TBC1D14: variants seen among roughly 807,000 people sequenced by gnomAD.
TBC1D14 encodes TBC1 domain family member 14.
In TBC1D14, 26 loss-of-function variants were observed where a neutral mutation model predicts 79.0. That is an observed-to-expected ratio of 0.33 (90% CI 0.24 to 0.46). The LOEUF (loss-of-function observed/expected upper bound fraction) is 0.46. Ranked by LOEUF, TBC1D14 falls within the 20% of genes least tolerant of loss-of-function variation. The pLI, the probability that TBC1D14 is intolerant of heterozygous loss-of-function variation, is 1.00. For synonymous variants in TBC1D14, 394 were observed against 349.9 expected (o/e 1.13, Z -1.40); for missense variants, 769 against 887.6 (o/e 0.87, Z 1.70).
In TBC1D14 at chr4:6,996,385, G is replaced by A. The variant is rs1298898461; in HGVS notation, c.1023G>A (p.Met341Ile). Residue 341 changes from methionine to isoleucine, a missense_variant, in exon 5 of 14, where the codon ATG becomes ATA. Transcript: ENST00000409757. ...AGCACAGACAGCAGTATGAAGAAAT[G>A]GTGGTTCAGGCCAAAAAGCGAGGTA... ...AQKHRQQYEE[M>I]VVQAKKRELK... The A allele has an allele frequency of 6.2e-7, 1 of 1,613,776 alleles. No homozygotes were observed. The highest frequency in any genetic ancestry group is 2.2e-5 in the East Asian group (1 of 44,866).
At chr4:6,987,411 C>T (rs1717972933) in intron 3 of TBC1D14, 6 of 1,316,298 alleles carry the variant, frequency 4.6e-6, no homozygotes, top group Non-Finnish European at 5.9e-6. Flanking sequence ...TCCCGTGGGC[C>T]TGTCCTGTCC....
chr4:7,025,767 C>T (rs1208936109), intron 13 of TBC1D14, among the ~76,000 whole-genome samples: 2 of 152,214 alleles, frequency 1.3e-5, no homozygotes, highest in Non-Finnish European at 2.9e-5. Context: ...TCTTCCCATG[C>T]GCTGCTGTGC....
At chr4:6,921,522 A>G (rs1204514583) in intron 1 of TBC1D14, among the ~76,000 whole-genome samples, 2 of 151,224 alleles carry the variant, frequency 1.3e-5, no homozygotes, top group Non-Finnish European at 2.9e-5. Flanking sequence ...AGAGAACTTT[A>G]TTTTTTATTT....
At chr4:6,912,390 A>G (rs965833901) in intron 1 of TBC1D14, among the ~76,000 whole-genome samples, 1 of 152,030 alleles carries the variant, frequency 6.6e-6, no homozygotes, top group African/African-American at 2.4e-5. Context: ...AAAAATAAAA[A>G]TAAAATAAAA....
At chr4:6,970,548 C>G (rs2109059285) in intron 3 of TBC1D14, among the ~76,000 whole-genome samples, 1 of 152,400 alleles carries the variant, frequency 6.6e-6, no homozygotes, top group South Asian at 2.1e-4. Flanking sequence ...TCAGTGCATT[C>G]TTCATCTGCT....
intron 2 of TBC1D14, among the ~76,000 whole-genome samples, chr4:6,964,163 C>T (rs774543625): frequency 4.6e-5 from 7 of 152,004 alleles, no homozygotes; most frequent in South Asian, 2.1e-4. Flanking sequence ...TAGTGTTAGC[C>T]GAGACCTGAA....
chr4:7,011,334 G>C (rs1164983387), intron 11 of TBC1D14, among the ~76,000 whole-genome samples: 1 of 140,598 alleles, frequency 7.1e-6, no homozygotes, highest in Non-Finnish European at 1.5e-5. Context: ...AGTGGGGGGT[G>C]GTGACAGTGG....
intron 3 of TBC1D14, among the ~76,000 whole-genome samples, chr4:6,968,691 C>T (rs79921804): frequency 0.37 from 41,984 of 112,926 alleles, 6,512 homozygotes; most frequent in East Asian, 0.53. Flanking sequence ...GGCTGACCGC[C>T]GAGAGGAGGC....
chr4:6,960,864 G>T (rs577169403), intron 2 of TBC1D14, among the ~76,000 whole-genome samples: 208 of 152,286 alleles, frequency 1.4e-3, no homozygotes, highest in Non-Finnish European at 1.4e-3. Context: ...AAAGACCCTG[G>T]TAACAGTGCG....
intron 3 of TBC1D14, among the ~76,000 whole-genome samples, chr4:6,991,279 A>T (rs1044531105): frequency 6.6e-6 from 1 of 152,180 alleles, no homozygotes; most frequent in Non-Finnish European, 1.5e-5. Flanking sequence ...ACTGAATCTG[A>T]ATGATGGATT....
intron 12 of TBC1D14, among the ~76,000 whole-genome samples, chr4:7,023,207 C>T (rs1197704455): frequency 3.3e-5 from 5 of 152,144 alleles, no homozygotes; most frequent in Admixed American, 6.5e-5. Flanking sequence ...GAGTCGAAAT[C>T]GCACCACTAC....
intron 12 of TBC1D14, among the ~76,000 whole-genome samples, chr4:7,017,821 A>C (rs1305451530): frequency 1.3e-5 from 2 of 152,214 alleles, no homozygotes; most frequent in Non-Finnish European, 2.9e-5. Context: ...AGCACAGGAA[A>C]GCCATGTATT....
intron 2 of TBC1D14, among the ~76,000 whole-genome samples, chr4:6,964,799 T>C (rs921531493): frequency 1.3e-5 from 2 of 152,198 alleles, no homozygotes; most frequent in African/African-American, 4.8e-5. Flanking sequence ...GTTTTATTTT[T>C]TTGAAAGTTT....
chr4:6,994,332 T>C (rs750229742), intron 4 of TBC1D14, 30 bp downstream of exon 4: 1 of 1,595,460 alleles, frequency 6.3e-7, no homozygotes. Flanking sequence ...CTTTAGAGTG[T>C]TTGCTTTAGG....
At chr4:6,941,819 G>A (rs1377028673) in intron 2 of TBC1D14, among the ~76,000 whole-genome samples, 2 of 152,204 alleles carry the variant, frequency 1.3e-5, no homozygotes, top group African/African-American at 2.4e-5. Flanking sequence ...AGGCTTGCAG[G>A]CAGCCTCAGG....
chr4:6,953,314 C>T (rs1384989058), intron 2 of TBC1D14, among the ~76,000 whole-genome samples: 6 of 140,868 alleles, frequency 4.3e-5, no homozygotes, highest in East Asian at 2.2e-4. Context: ...TGAGCCACCA[C>T]GCCCAGCCAT....
chr4:6,975,045 G>A (rs548466745), intron 3 of TBC1D14, among the ~76,000 whole-genome samples: 1 of 151,972 alleles, frequency 6.6e-6, no homozygotes, highest in Admixed American at 6.6e-5. Context: ...CCAAGCAGCT[G>A]GGATTACAGG....
At chr4:6,924,204 GT>G (rs1317747185) in intron 2 of TBC1D14, 93 bp downstream of exon 2, 10 of 1,459,674 alleles carry the variant, frequency 6.9e-6, no homozygotes, top group Non-Finnish European at 9.0e-6. Flanking sequence ...GTTCTCTGTG[GT>G]GTTAGGCAGG....
intron 3 of TBC1D14, among the ~76,000 whole-genome samples, chr4:6,979,217 A>T (rs1211443786): frequency 6.6e-6 from 1 of 152,168 alleles, no homozygotes; most frequent in African/African-American, 2.4e-5. Context: ...AAAAAGAGAA[A>T]ACAAATGAGA....
Sources: allele counts gnomAD v4.1 joint callset (sites outside exome capture counted in the v4.1 genomes callset), GRCh38; gene constraint gnomAD v4.1.1; transcripts MANE v1.5; gene names NCBI Gene and HGNC (gene_info 2026-07-23, HGNC 2026-07-21).